Variants in CRIM1 observed in about 807,000 individuals in gnomAD.
CRIM1 encodes cysteine rich transmembrane BMP regulator 1.
A neutral mutation model predicts 116.4 loss-of-function variants in CRIM1; 32 were observed. That is an observed-to-expected ratio of 0.27 (90% CI 0.21 to 0.37). The LOEUF (loss-of-function observed/expected upper bound fraction) is 0.37. Ranked by LOEUF, CRIM1 falls within the 10% of genes least tolerant of loss-of-function variation. CRIM1 has a pLI of 1.00. For missense variants in CRIM1, 1,331 were observed against 1,354.8 expected (o/e 0.98, Z 0.28); for synonymous variants, 590 against 509.2 (o/e 1.16, Z -2.13).
rs3770860 is a variant in CRIM1 at position 36,467,631 on chromosome 2, T to C, written c.991+2976T>C. Among the ~76,000 whole-genome samples the C allele has an allele frequency of 1.4e-3, 212 of 152,292 alleles. 2 individuals carry two copies. The East Asian group carries it at 0.03, about 22-fold the overall frequency. Reference sequence around the variant, plus strand: ...GATTCTATAAGATAGTGATAAAATATTTATGAGAAAGGAGACTCACAGCCA... The same window carrying C: ...GATTCTATAAGATAGTGATAAAATACTTATGAGAAAGGAGACTCACAGCCA... On this transcript the variant is annotated intron_variant, in intron 5 of 16. Transcript: ENST00000280527.
At chr2:36,455,567 T>A (rs1372484105) in intron 4 of CRIM1, among the ~76,000 whole-genome samples, 1 of 152,138 alleles carries the variant, frequency 6.6e-6, no homozygotes, top group South Asian at 2.1e-4. Context: ...AAGCGTTGGA[T>A]AGGAGACAGA....
chr2:36,446,927 C>T (rs1355518937), intron 4 of CRIM1, among the ~76,000 whole-genome samples: 1 of 152,066 alleles, frequency 6.6e-6, no homozygotes, highest in Non-Finnish European at 1.5e-5. Context: ...TGCTGCTGTG[C>T]ATAAGAGAAT....
chr2:36,419,637 A>ACTAG (rs1433179092), intron 2 of CRIM1, among the ~76,000 whole-genome samples: 3 of 152,164 alleles, frequency 2.0e-5, no homozygotes, highest in Admixed American at 2.0e-4. Context: ...TCCTAGGGGG[A>ACTAG]CTAGCTCTTT....
At position 36,499,327 on chromosome 2, in the gene CRIM1, G is replaced by A. The variant is rs745332459; in HGVS notation, c.1481G>A (p.Arg494Gln). 1.2e-5 allele frequency: 20 copies of A among 1,613,894 alleles called. No individual in the cohort carries two copies. The highest frequency in any genetic ancestry group is 6.7e-5 in the East Asian group (3 of 44,892). Residue 494 changes from arginine (R) to glutamine (Q), a missense_variant, in exon 8 of 17, where the codon CGG becomes CAG. By Grantham distance (43) the Arg-to-Gln change is conservative (BLOSUM62 1). Transcript: ENST00000280527. ...TTCAAACGCGATCACAATGGTTGTCGGACCTGTCAGTGCATAAACAGTGAG... is the reference window on the plus strand; with the variant it reads ...TTCAAACGCGATCACAATGGTTGTCAGACCTGTCAGTGCATAAACAGTGAG... The part of the protein sequence containing the change: ...NGFKRDHNGC[R>Q]TCQCINTEEL...
Position 36,548,621 on chromosome 2 carries a change from C to T in CRIM1, c.3031C>T (p.Pro1011Ser). ...CCAGAGAATGCTAAGAATTGCAGAA[C>T]CAGATGCAAGATTCAGTGGCTTCTA... ...SSQRMLRIAEPDARFSGFYSM... is the reference protein window; with the variant it reads ...SSQRMLRIAESDARFSGFYSM... Residue 1011 changes from proline (P) to serine (S), a missense_variant, in exon 17 of 17, where the codon CCA becomes TCA. Around this residue, in one of 3 missense-constraint regions of CRIM1, gnomAD observed 283 missense variants for 242.8 expected, o/e 1.17. Transcript: ENST00000280527. 3 of 1,612,746 alleles carry T rather than the reference C, an allele frequency of 1.9e-6. No individual in the cohort carries two copies. Among genetic ancestry groups the T allele is most frequent in the Admixed American group, 1.7e-5 (1 of 59,688 alleles).
At chr2:36,479,356 A>T in intron 6 of CRIM1, 141 bp from the exon 7 acceptor site, 2 of 756,606 alleles carry the variant, frequency 2.6e-6, no homozygotes, top group Non-Finnish European at 4.3e-6. Flanking sequence ...GAGACTCCTC[A>T]TGCAACCCTG....
At chr2:36,365,879 A>G (rs1669562092) in intron 1 of CRIM1, among the ~76,000 whole-genome samples, 1 of 152,058 alleles carries the variant, frequency 6.6e-6, no homozygotes, top group African/African-American at 2.4e-5. Context: ...GATTACAGGC[A>G]TGTGCCACCA....
rs1252958063 is a variant in CRIM1, at chr2:36,549,318, G to T, written c.*617G>T. The T allele has an allele frequency of 6.6e-6, 1 of 152,658 alleles. No individual in the cohort carries two copies. Among genetic ancestry groups the T allele is most frequent in the African/African-American group, 2.4e-5 (1 of 41,452 alleles). 9.5% of individuals were successfully genotyped at this position (152,658 alleles called of 1,614,324 possible). A position where few individuals can be genotyped will look rare whatever the true frequency, so the allele number is the denominator to read the frequency against. On this transcript the variant is annotated 3_prime_UTR_variant, in exon 17 of 17. Coordinates refer to ENST00000280527, the MANE Select transcript of CRIM1 (RefSeq NM_016441.3). ...TAGGCAGTGAGGAAGCCAGAGAAAT[G>T]CGATAGCGGCATTTCTCTAAAGCGG...
intron 12 of CRIM1, among the ~76,000 whole-genome samples, chr2:36,518,096 T>C (rs1665148021): frequency 6.6e-6 from 1 of 152,232 alleles, no homozygotes; most frequent in African/African-American, 2.4e-5. Flanking sequence ...AGTGCTATTA[T>C]TTTCTACTTT....
At chr2:36,428,161 GGAT>G (rs1483175549) in intron 2 of CRIM1, among the ~76,000 whole-genome samples, 1 of 152,228 alleles carries the variant, frequency 6.6e-6, no homozygotes, top group Non-Finnish European at 1.5e-5. Context: ...GAGAAGGTTA[GGAT>G]GATGACTGTG....
intron 2 of CRIM1, among the ~76,000 whole-genome samples, chr2:36,431,360 C>T (rs1286188745): frequency 6.6e-6 from 1 of 152,042 alleles, no homozygotes; most frequent in East Asian, 1.9e-4. Context: ...GAATAAATGT[C>T]TTTATGCCCT....
intron 8 of CRIM1, among the ~76,000 whole-genome samples, chr2:36,506,221 A>C (rs1681410596): frequency 6.8e-6 from 1 of 147,180 alleles, no homozygotes; most frequent in African/African-American, 2.5e-5. Flanking sequence ...ACACACTCAG[A>C]TTAGGACCAT....
At chr2:36,499,473 A>G (rs1418264619) in intron 8 of CRIM1, 126 bp downstream of exon 8, 12 of 967,526 alleles carry the variant, frequency 1.2e-5, no homozygotes, top group Admixed American at 5.0e-5. Flanking sequence ...AAAAAAGGGG[A>G]AAAAAGTTAT....
chr2:36,462,763 G>C (rs956792333), intron 4 of CRIM1, among the ~76,000 whole-genome samples: 2 of 152,222 alleles, frequency 1.3e-5, no homozygotes, highest in Non-Finnish European at 2.9e-5. Context: ...ACTCCAGAGA[G>C]TTTTAAGTTG....
At chr2:36,366,258 C>T (rs1393783836) in intron 1 of CRIM1, among the ~76,000 whole-genome samples, 1 of 151,944 alleles carries the variant, frequency 6.6e-6, no homozygotes, top group African/African-American at 2.4e-5. Flanking sequence ...ATTGGATTTT[C>T]TTCCAGAAAC....
chr2:36,381,061 C>T (rs991811751), intron 1 of CRIM1, among the ~76,000 whole-genome samples: 1 of 152,204 alleles, frequency 6.6e-6, no homozygotes, highest in South Asian at 2.1e-4. Flanking sequence ...GCTGGATCAG[C>T]CTCTGCTGAA....
intron 4 of CRIM1, among the ~76,000 whole-genome samples, chr2:36,445,230 C>G (rs1321323809): frequency 6.6e-6 from 1 of 152,020 alleles, no homozygotes; most frequent in Non-Finnish European, 1.5e-5. Context: ...AATACTACTC[C>G]CTGTCTCATT....
At chr2:36,388,784 C>T (rs1671361401) in intron 1 of CRIM1, among the ~76,000 whole-genome samples, 1 of 152,048 alleles carries the variant, frequency 6.6e-6, no homozygotes. Context: ...AAACATGAAA[C>T]ATGAAACTGG....
At position 36,479,703 on chromosome 2, in the gene CRIM1, T is replaced by G; in HGVS notation, c.1372+9T>G. The G allele has an allele frequency of 6.2e-7, 1 of 1,613,540 alleles. No individual in the cohort carries two copies. The highest frequency in any genetic ancestry group is 8.5e-7 in the Non-Finnish European group (1 of 1,179,430). On this transcript the variant is annotated intron_variant, in intron 7 of 16. Coordinates refer to ENST00000280527, the MANE Select transcript of CRIM1 (RefSeq NM_016441.3). ...TTGCCCTGTGTGCGAAGGTAAATCT[T>G]GCAGATGCTAATGAGTCCCTGGTGA...
Sources: allele counts gnomAD v4.1 joint callset (sites outside exome capture counted in the v4.1 genomes callset), GRCh38; gene constraint gnomAD v4.1.1; regional missense constraint gnomAD v4.1.1; transcripts MANE v1.5; gene names NCBI Gene and HGNC (gene_info 2026-07-23, HGNC 2026-07-21).